ATXN8OS: variants seen among roughly 807,000 people sequenced by gnomAD.
ATXN8OS encodes ATXN8 opposite strand lncRNA.
At position 70,139,371 on chromosome 13, in the gene ATXN8OS, A is replaced by ACTGCTGCTGCTGCTGCTG. The variant is rs1566606466; in HGVS notation, n.500-7982_500-7981insGCTGCTGCTGCTGCTGCT. ...TGGCTTTACTACTACTACTACTACT[A>ACTGCTGCTGCTGCTGCTG]CTACTACTACTACTGCTGCTGCTGC... On this transcript the variant is annotated intron_variant and non_coding_transcript_variant, in intron 3 of 4. Transcript: ENST00000678624. 1.4e-5 allele frequency: 9 copies of ACTGCTGCTGCTGCTGCTG among 643,212 alleles called. 1 individual carries two copies. In the African/African-American group the frequency reaches 1.5e-4, roughly 11 times the overall value. 39.8% of individuals were successfully genotyped at this position (643,212 alleles called of 1,614,324 possible).
chr13:70,137,813 C>A (rs1433762317), intron 3 of ATXN8OS, among the ~76,000 whole-genome samples: 3 of 152,116 alleles, frequency 2.0e-5, no homozygotes, highest in South Asian at 2.1e-4. Context: ...CTATAAAGAA[C>A]AACCTGAGAC....
intron 4 of ATXN8OS, among the ~76,000 whole-genome samples, chr13:70,162,103 G>C (rs1889016814): frequency 6.6e-6 from 1 of 152,000 alleles, no homozygotes; most frequent in African/African-American, 2.4e-5. Flanking sequence ...GGAAGAGATG[G>C]AGGGTGCACA....
chr13:70,148,854 G>A (rs1888825202), intron 4 of ATXN8OS, among the ~76,000 whole-genome samples: 1 of 152,066 alleles, frequency 6.6e-6, no homozygotes. Flanking sequence ...ATAGGCTTAT[G>A]CAGAACTGAT....
intron 3 of ATXN8OS, among the ~76,000 whole-genome samples, chr13:70,146,023 G>A (rs1888781097): frequency 7.5e-6 from 1 of 133,762 alleles, no homozygotes; most frequent in East Asian, 2.5e-4. Context: ...TCTGACAAAG[G>A]GCTAATATCC....
intron 1 of ATXN8OS, among the ~76,000 whole-genome samples, chr13:70,111,231 A>G (rs1888195074): frequency 6.6e-6 from 1 of 152,236 alleles, no homozygotes; most frequent in African/African-American, 2.4e-5. Context: ...TCAAATATTT[A>G]AACAATAAGC....
At chr13:70,145,009 T>C (rs573904613) in intron 3 of ATXN8OS, among the ~76,000 whole-genome samples, 2 of 152,248 alleles carry the variant, frequency 1.3e-5, no homozygotes, top group Admixed American at 1.3e-4. Context: ...CTTTAATCCA[T>C]CTTGAATTAA....
chr13:70,156,244 AGTGTGT>A (rs71784187), intron 4 of ATXN8OS, among the ~76,000 whole-genome samples: 25 of 149,276 alleles, frequency 1.7e-4, no homozygotes, highest in South Asian at 4.3e-4. Context: ...GGTGGGTATG[AGTGTGT>A]GTGTGTGTGT....
At chr13:70,155,536 A>C (rs996525655) in intron 4 of ATXN8OS, among the ~76,000 whole-genome samples, 3 of 152,204 alleles carry the variant, frequency 2.0e-5, no homozygotes, top group African/African-American at 7.2e-5. Context: ...AAGCCTGTTA[A>C]ATGGTTATCA....
upstream of ATXN8OS, chr13:70,107,755 C>G: frequency 5.8e-6 from 8 of 1,369,606 alleles, no homozygotes; most frequent in South Asian, 8.8e-5. Context: ...GGCTGGTCAG[C>G]AGGTGGGGGA....
chr13:70,148,919 T>G (rs941602440), intron 4 of ATXN8OS, among the ~76,000 whole-genome samples: 2 of 152,126 alleles, frequency 1.3e-5, no homozygotes, highest in Non-Finnish European at 2.9e-5. Context: ...CAAATGCAAG[T>G]TGGAATAACA....
intron 3 of ATXN8OS, among the ~76,000 whole-genome samples, chr13:70,145,157 T>C (rs1276378206): frequency 6.6e-6 from 1 of 152,066 alleles, no homozygotes; most frequent in African/African-American, 2.4e-5. Context: ...GATCAGATGG[T>C]TGTAGGTATG....
chr13:70,107,628 G>A, upstream of ATXN8OS: 1 of 1,575,070 alleles, frequency 6.3e-7, no homozygotes, highest in Non-Finnish European at 8.6e-7. Context: ...AAGGAGACGG[G>A]TGGCTGAAGA....
rs146840550 is a variant in ATXN8OS, at chr13:70,141,742, C to T, written n.500-5613C>T. The stretch of plus-strand genomic sequence containing the variant: ...CATTTTTATTCATTCATCAAAATGG[C>T]AAAAACAGTATTCTATTTATAAGGA... On this transcript the variant is annotated intron_variant and non_coding_transcript_variant, in intron 3 of 4. Transcript: ENST00000678624. 1.5e-3 allele frequency among the ~76,000 whole-genome samples: 227 copies of T among 151,754 alleles called. 1 individual carries two copies. The highest frequency in any genetic ancestry group is 6.9e-3 in the Middle Eastern group (2 of 288).
At chr13:70,122,499 G>T (rs1423916204) in intron 2 of ATXN8OS, among the ~76,000 whole-genome samples, 1 of 150,292 alleles carries the variant, frequency 6.7e-6, no homozygotes, top group Non-Finnish European at 1.5e-5. Flanking sequence ...GTCCTTCTTA[G>T]AGAGAGATCT....
At chr13:70,145,620 A>C (rs1455516188) in intron 3 of ATXN8OS, among the ~76,000 whole-genome samples, 1 of 152,082 alleles carries the variant, frequency 6.6e-6, no homozygotes, top group Non-Finnish European at 1.5e-5. Context: ...GCAATTGTGA[A>C]TGGTAGTTCA....
chr13:70,146,125 A>T (rs1458452639), intron 3 of ATXN8OS, among the ~76,000 whole-genome samples: 209 of 145,626 alleles, frequency 1.4e-3, no homozygotes, highest in Middle Eastern at 3.5e-3. Context: ...ACACTTCTCA[A>T]AAGAAGACTT....
intron 3 of ATXN8OS, chr13:70,139,371 ACTACTACTACTACTGCTGCTGCTGCTG>A: frequency 1.6e-6 from 1 of 643,242 alleles, no homozygotes; most frequent in Admixed American, 2.5e-5. Context: ...TACTACTACT[ACTACTACTACTACTGCTGCTGCTGCTG>A]CTGCTGCTGC....
intron 2 of ATXN8OS, among the ~76,000 whole-genome samples, chr13:70,118,068 T>A (rs528233390): frequency 3.3e-5 from 5 of 152,118 alleles, no homozygotes; most frequent in Non-Finnish European, 7.4e-5. Context: ...GTTCTAGGAA[T>A]AGTCAGAATT....
intron 3 of ATXN8OS, among the ~76,000 whole-genome samples, chr13:70,142,323 C>T (rs1020519599): frequency 6.6e-6 from 1 of 152,110 alleles, no homozygotes; most frequent in African/African-American, 2.4e-5. Context: ...TAGGCTAAAG[C>T]TTTTCTTCCA....
Sources: allele counts gnomAD v4.1 joint callset (sites outside exome capture counted in the v4.1 genomes callset), GRCh38; gene constraint gnomAD v4.1.1; transcripts MANE v1.5; gene names NCBI Gene and HGNC (gene_info 2026-07-23, HGNC 2026-07-21).